XKR9: variants seen among roughly 807,000 people sequenced by gnomAD.
XKR9 encodes XK-related protein 9.
XKR9 carries 32 observed loss-of-function variants against 32.0 expected under a neutral mutation model. The observed-to-expected ratio is 1.00, with a 90% confidence interval of 0.76 to 1.34. The LOEUF (loss-of-function observed/expected upper bound fraction) is 1.34, where lower values mean the gene tolerates loss of function less well. Among genes scored for constraint, XKR9 ranks in the 40% most tolerant of loss-of-function variants. The pLI, the probability that XKR9 is intolerant of heterozygous loss-of-function variation, is 0.00. For synonymous variants in XKR9, 168 were observed against 143.4 expected, an observed-to-expected ratio of 1.17 and a Z score of -1.22; for missense variants, 546 against 429.7, an observed-to-expected ratio of 1.27 and a Z score of -2.39.
At chr8:70,806,589 GGAAAACACAGCAT>G in the XKR9 span, among the ~76,000 whole-genome samples, 5 of 152,066 alleles carry the variant, frequency 3.3e-5, no homozygotes, top group Non-Finnish European at 7.3e-5. Flanking sequence ...TCATGGAGCT[GGAAAACACAGCAT>G]GAAAACTTCA....
At chr8:70,679,067 C>T (rs377163065) in intron 2 of XKR9, among the ~76,000 whole-genome samples, 4 of 152,262 alleles carry the variant, frequency 2.6e-5, no homozygotes, top group African/African-American at 9.6e-5. Flanking sequence ...GGTTCTCTCT[C>T]CTTGGGTTAC....
the XKR9 span, among the ~76,000 whole-genome samples, chr8:71,033,562 G>A: frequency 1.3e-5 from 2 of 152,106 alleles, no homozygotes; most frequent in African/African-American, 4.8e-5. Context: ...CTTAGTTGCG[G>A]GGTGTTTGGG....
chr8:71,002,511 T>A, the XKR9 span, among the ~76,000 whole-genome samples: 3 of 152,040 alleles, frequency 2.0e-5, no homozygotes, highest in Non-Finnish European at 4.4e-5. Flanking sequence ...TTAATTTATA[T>A]AAAATAGTCT....
At chr8:70,999,941 C>A in the XKR9 span, among the ~76,000 whole-genome samples, 3 of 152,142 alleles carry the variant, frequency 2.0e-5, no homozygotes, top group Non-Finnish European at 2.9e-5. Context: ...TCCCTTTTCT[C>A]TTATTAAAAA....
At chr8:70,808,673 C>G in the XKR9 span, among the ~76,000 whole-genome samples, 6 of 152,338 alleles carry the variant, frequency 3.9e-5, no homozygotes, top group Non-Finnish European at 7.3e-5. Flanking sequence ...TTGGAGGGTC[C>G]TACACCCACG....
At chr8:70,771,709 G>A (rs1469923926) in intron 2 of XKR9, among the ~76,000 whole-genome samples, 1 of 152,164 alleles carries the variant, frequency 6.6e-6, no homozygotes, top group African/African-American at 2.4e-5. Context: ...TGGTAGGGTG[G>A]TAATAGCTGA....
the XKR9 span, among the ~76,000 whole-genome samples, chr8:70,968,857 C>G: frequency 6.6e-6 from 1 of 152,184 alleles, no homozygotes; most frequent in Non-Finnish European, 1.5e-5. Context: ...CCTGATGCTT[C>G]CCGCATGCTC....
At chr8:70,879,538 A>C in the XKR9 span, among the ~76,000 whole-genome samples, 1 of 152,332 alleles carries the variant, frequency 6.6e-6, no homozygotes, top group Admixed American at 6.5e-5. Context: ...ACCTTTATGC[A>C]AATAAACTAG....
At chr8:70,934,634 A>G in the XKR9 span, among the ~76,000 whole-genome samples, 1 of 152,036 alleles carries the variant, frequency 6.6e-6, no homozygotes, top group Admixed American at 6.6e-5. Context: ...TGCAATTACT[A>G]TGCAAGCTTA....
At chr8:71,001,532 T>G in the XKR9 span, among the ~76,000 whole-genome samples, 1 of 152,358 alleles carries the variant, frequency 6.6e-6, no homozygotes, top group African/African-American at 2.4e-5. Flanking sequence ...AATCACCTAC[T>G]TATTTTGCTT....
At chr8:70,806,528 T>C in the XKR9 span, among the ~76,000 whole-genome samples, 1 of 152,202 alleles carries the variant, frequency 6.6e-6, no homozygotes, top group Non-Finnish European at 1.5e-5. Flanking sequence ...TGATAAAGAT[T>C]AAAGGAGCTG....
At chr8:70,837,554 T>C in the XKR9 span, among the ~76,000 whole-genome samples, 1 of 152,022 alleles carries the variant, frequency 6.6e-6, no homozygotes, top group African/African-American at 2.4e-5. Context: ...TCAGTGAACA[T>C]GAGTGCTGGC....
At chr8:70,823,517 T>G in the XKR9 span, among the ~76,000 whole-genome samples, 1 of 152,248 alleles carries the variant, frequency 6.6e-6, no homozygotes, top group Non-Finnish European at 1.5e-5. Flanking sequence ...CTATCTTTTC[T>G]ATTACCAACT....
chr8:70,910,095 GAA>G, the XKR9 span, among the ~76,000 whole-genome samples: 3 of 140,324 alleles, frequency 2.1e-5, no homozygotes, highest in African/African-American at 2.6e-5. Context: ...ACCCTGTGGG[GAA>G]AAAAAAAAAA....
rs375243 is a variant in XKR9 at position 70,734,309 on chromosome 8, T to A, written c.1007T>A (p.Leu336His). The A allele has an allele frequency of 7.2e-5, 116 of 1,612,396 alleles. 3 individuals carry two copies. The highest frequency in any genetic ancestry group is 3.6e-5 in the Non-Finnish European group (42 of 1,179,364). The change falls in exon 5 of 5, where the codon CTT becomes CAT. Residue 336 changes from leucine to histidine, a missense_variant. Leu to His is a moderately conservative substitution (Grantham distance 99, BLOSUM62 -3). Coordinates refer to ENST00000408926, the MANE Select transcript of XKR9 (RefSeq NM_001011720.2). ...VLTLLLGILF[L>H]IVYYGSFHPN... ...ACTCTTCTTCTTGGAATTCTTTTTC[T>A]TATTGTTTATTATGGGAGTTTTCAC...
intron 4 of XKR9, among the ~76,000 whole-genome samples, chr8:70,710,501 G>T (rs1805875934): frequency 6.6e-6 from 1 of 152,076 alleles, no homozygotes; most frequent in African/African-American, 2.4e-5. Flanking sequence ...AGGAGTTCGA[G>T]ATCAGCCTGG....
the XKR9 span, among the ~76,000 whole-genome samples, chr8:70,845,086 T>C: frequency 6.6e-6 from 1 of 152,322 alleles, no homozygotes; most frequent in Admixed American, 6.5e-5. Context: ...AGGAGTGGCC[T>C]ACCTGGCATC....
downstream of XKR9, among the ~76,000 whole-genome samples, chr8:70,792,206 CTT>C (rs1233319536): frequency 6.6e-6 from 1 of 152,078 alleles, no homozygotes; most frequent in Non-Finnish European, 1.5e-5. Flanking sequence ...CTAATAGACT[CTT>C]TTTCTTTTTC....
intron 2 of XKR9, chr8:70,677,901 T>C (rs1010830303): frequency 2.0e-5 from 3 of 152,204 alleles, no homozygotes; most frequent in Admixed American, 2.0e-4. Flanking sequence ...ATTTTTTTCT[T>C]AGTAAAGCTT....
Sources: gnomAD v4.1 joint callset for allele counts (sites outside exome capture counted in the v4.1 genomes callset) on GRCh38, gnomAD v4.1.1 for gene constraint, MANE v1.5 for transcripts, NCBI Gene and HGNC (gene_info 2026-07-23, HGNC 2026-07-21) for gene names.